PPP2R2A: variants seen among roughly 807,000 people sequenced by gnomAD.
The protein encoded by PPP2R2A is serine/threonine-protein phosphatase 2A 55 kDa regulatory subunit B alpha isoform.
PPP2R2A carries 9 observed loss-of-function variants against 53.2 expected under a neutral mutation model. The observed-to-expected ratio is 0.17, with a 90% CI of 0.10 to 0.30. PPP2R2A has a LOEUF of 0.30. PPP2R2A is among the 10% of genes least tolerant of loss of function. The probability of loss-of-function intolerance (pLI) is 1.00; values close to 1 mark genes in which losing one functional copy is unlikely to be tolerated. For synonymous variants in PPP2R2A, 169 were observed against 174.2 expected, an observed-to-expected ratio of 0.97 and a Z score of 0.23; for missense variants, 235 against 534.6, an observed-to-expected ratio of 0.44 and a Z score of 5.53.
At chr8:26,320,460 A>G (rs1333648377) in intron 2 of PPP2R2A, among the ~76,000 whole-genome samples, 2 of 152,218 alleles carry the variant, frequency 1.3e-5, no homozygotes, top group Admixed American at 6.5e-5. Context: ...TTGTTAAACC[A>G]GAAGTGGGTA....
chr8:26,306,564 C>T (rs1321876437), intron 2 of PPP2R2A, among the ~76,000 whole-genome samples: 1 of 151,220 alleles, frequency 6.6e-6, no homozygotes, highest in Admixed American at 6.6e-5. Flanking sequence ...CTGAGTCATA[C>T]ACAGACTACA....
chr8:26,313,457 GTGT>G (rs1563290400), intron 2 of PPP2R2A, among the ~76,000 whole-genome samples: 1 of 152,196 alleles, frequency 6.6e-6, no homozygotes, highest in Non-Finnish European at 1.5e-5. Flanking sequence ...AGCTTTCTTG[GTGT>G]TGTTACACTG....
chr8:26,356,836 A>T (rs1804806239), intron 4 of PPP2R2A, among the ~76,000 whole-genome samples: 1 of 152,158 alleles, frequency 6.6e-6, no homozygotes, highest in Non-Finnish European at 1.5e-5. Context: ...TCCACTTCTG[A>T]CACTCCTCAG....
rs1197979538 is a variant in PPP2R2A, at chr8:26,338,547, A to G, written c.83-343A>G. The stretch of plus-strand genomic sequence containing the variant: ...GCATAAACAAGCTTATCAAATGTAT[A>G]TAAGAAAATTAGCAAGATAATGTTT... On this transcript the variant is annotated intron_variant, in intron 2 of 9. Coordinates refer to ENST00000380737, the MANE Select transcript of PPP2R2A (RefSeq NM_002717.4). This position sits in a 1 kb window ranked among gnomAD's most constrained non-coding sequence, Gnocchi z 4.5. 6.6e-6 allele frequency among the ~76,000 whole-genome samples: 1 copy of G among 152,272 alleles called. No homozygotes were observed. The highest frequency in any genetic ancestry group is 2.4e-5 in the African/African-American group (1 of 41,478).
At chr8:26,351,771 A>C (rs534134389) in intron 3 of PPP2R2A, among the ~76,000 whole-genome samples, 1 of 152,190 alleles carries the variant, frequency 6.6e-6, no homozygotes, top group Admixed American at 6.5e-5. Context: ...TTTCATTGGC[A>C]CATTGGTGTA....
At chr8:26,332,564 A>T (rs1803441897) in intron 2 of PPP2R2A, among the ~76,000 whole-genome samples, 1 of 151,598 alleles carries the variant, frequency 6.6e-6, no homozygotes, top group South Asian at 2.1e-4. Context: ...TACTCCTTTG[A>T]TTTTTCTTAA....
At chr8:26,305,871 T>TA (rs995557216) in intron 2 of PPP2R2A, among the ~76,000 whole-genome samples, 4 of 152,174 alleles carry the variant, frequency 2.6e-5, no homozygotes, top group African/African-American at 9.7e-5. Flanking sequence ...AGTTAAATTT[T>TA]AAAAAATCCC....
chr8:26,369,538 C>T (rs986324341), intron 9 of PPP2R2A, among the ~76,000 whole-genome samples: 1 of 152,180 alleles, frequency 6.6e-6, no homozygotes, highest in African/African-American at 2.4e-5. Context: ...CTACGGGTGC[C>T]TGCCACCACG....
intron 2 of PPP2R2A, among the ~76,000 whole-genome samples, chr8:26,337,179 C>T (rs1803707005): frequency 6.6e-6 from 1 of 152,074 alleles, no homozygotes; most frequent in Non-Finnish European, 1.5e-5. Context: ...AGAGCATATT[C>T]TAGAGATCAA....
chr8:26,308,744 C>T (rs1464578571), intron 2 of PPP2R2A, among the ~76,000 whole-genome samples: 1 of 152,186 alleles, frequency 6.6e-6, no homozygotes, highest in Non-Finnish European at 1.5e-5. Context: ...TCCCATGAAT[C>T]ATGGATGTTC....
At chr8:26,343,204 T>C (rs1357998937) in intron 3 of PPP2R2A, among the ~76,000 whole-genome samples, 2 of 151,684 alleles carry the variant, frequency 1.3e-5, no homozygotes, top group African/African-American at 4.8e-5. Context: ...ATAAATAAAA[T>C]ACAGATTTCT....
intron 4 of PPP2R2A, among the ~76,000 whole-genome samples, chr8:26,355,723 G>A (rs1021962386): frequency 6.6e-6 from 1 of 152,110 alleles, no homozygotes; most frequent in Non-Finnish European, 1.5e-5. Flanking sequence ...AAATTATCCG[G>A]GTGTGGTGGC....
At chr8:26,316,532 TTTAAA>T (rs1226002917) in intron 2 of PPP2R2A, among the ~76,000 whole-genome samples, 4 of 152,206 alleles carry the variant, frequency 2.6e-5, no homozygotes, top group African/African-American at 9.7e-5. Context: ...CCTGAAATAA[TTTAAA>T]TTAACACATA....
intron 1 of PPP2R2A, chr8:26,292,322 T>A: frequency 1.0e-6 from 1 of 987,628 alleles, no homozygotes; most frequent in Non-Finnish European, 1.2e-6. Flanking sequence ...GGGGCATATG[T>A]GTATTTTTTC....
intron 2 of PPP2R2A, among the ~76,000 whole-genome samples, chr8:26,317,855 G>T (rs1413487593): frequency 6.6e-6 from 1 of 152,218 alleles, no homozygotes; most frequent in Non-Finnish European, 1.5e-5. Flanking sequence ...TTGCAGGTTT[G>T]TTCTGCTCAG....
chr8:26,366,217 G>A, intron 8 of PPP2R2A, 98 bp from the exon 9 acceptor site: 2 of 849,552 alleles, frequency 2.4e-6, no homozygotes, highest in Non-Finnish European at 3.8e-6. Flanking sequence ...AAAGGTGTGT[G>A]TATGTGTCTG....
At chr8:26,356,288 T>C (rs1804778942) in intron 4 of PPP2R2A, among the ~76,000 whole-genome samples, 1 of 152,240 alleles carries the variant, frequency 6.6e-6, no homozygotes, top group African/African-American at 2.4e-5. Context: ...TTAGAAATGC[T>C]GTTCACAAAT....
chr8:26,326,051 G>C (rs1193711785), intron 2 of PPP2R2A, among the ~76,000 whole-genome samples: 1 of 152,166 alleles, frequency 6.6e-6, no homozygotes, highest in Non-Finnish European at 1.5e-5. Context: ...TGCCCAGGCT[G>C]GTCTTGAACT....
In PPP2R2A at chr8:26,345,833, A is replaced by G. The variant is rs190371173; in HGVS notation, c.180+6846A>G. Reference sequence around the variant, plus strand: ...CCCAATAATTAAAGCATCTTGTTCTATGCCCTCTTTTTCTAGTGGTGTATT... The same window carrying G: ...CCCAATAATTAAAGCATCTTGTTCTGTGCCCTCTTTTTCTAGTGGTGTATT... On this transcript the variant is annotated intron_variant, in intron 3 of 9. Coordinates refer to ENST00000380737, the MANE Select transcript of PPP2R2A (RefSeq NM_002717.4). Among the ~76,000 whole-genome samples, 627 of 152,244 alleles carry G rather than the reference A, an allele frequency of 4.1e-3. 2 individuals are homozygous for G. Among genetic ancestry groups the G allele is most frequent in the Non-Finnish European group, 5.0e-3 (337 of 68,010 alleles).
Sources: gnomAD v4.1 joint callset for allele counts (sites outside exome capture counted in the v4.1 genomes callset) on GRCh38, gnomAD v4.1.1 for gene constraint, Gnocchi (gnomAD v3.1) non-coding constraint, MANE v1.5 for transcripts, NCBI Gene and HGNC (gene_info 2026-07-23, HGNC 2026-07-21) for gene names.